ZNF618: variants seen among roughly 807,000 people sequenced by gnomAD.
ZNF618 encodes zinc finger protein 618.
ZNF618 carries 34 observed loss-of-function variants against 103.0 expected under a neutral mutation model. The observed-to-expected ratio is 0.33, with a 90% CI of 0.25 to 0.44. The LOEUF (loss-of-function observed/expected upper bound fraction) is 0.44, where lower values mean the gene tolerates loss of function less well. ZNF618 is among the 20% of genes least tolerant of loss of function. The pLI, the probability that ZNF618 is intolerant of heterozygous loss-of-function variation, is 1.00. For missense variants in ZNF618, 1,059 were observed against 1,295.4 expected (o/e 0.82, Z 2.80); for synonymous variants, 551 against 542.2 (o/e 1.02, Z -0.23).
At chr9:114,027,352 C>T (rs7039576) in intron 10 of ZNF618, among the ~76,000 whole-genome samples, 40 of 152,226 alleles carry the variant, frequency 2.6e-4, no homozygotes, top group African/African-American at 7.2e-4. Context: ...GGGGCTGGGG[C>T]GGACAGATGA....
At position 114,044,080 on chromosome 9, in the gene ZNF618, T is replaced by C. The variant is rs1008785638; in HGVS notation, c.1247-3813T>C. On this transcript the variant is annotated intron_variant, in intron 13 of 14. Coordinates refer to ENST00000374126, the MANE Select transcript of ZNF618 (RefSeq NM_001318042.2). ...GTCCCATCTATCTCTTTGTTTTTGG[T>C]GCATTTGCTTTGGTGTTCTTGGTCA... 2.3e-4 allele frequency among the ~76,000 whole-genome samples: 35 copies of C among 152,202 alleles called. 1 individual carries two copies. The highest frequency in any genetic ancestry group is 5.9e-5 in the Non-Finnish European group (4 of 68,020).
chr9:114,033,389 AAGAGAGAGAGAG>A (rs10624141), intron 12 of ZNF618, among the ~76,000 whole-genome samples: 148 of 147,176 alleles, frequency 1.0e-3, no homozygotes, highest in African/African-American at 3.4e-3. Context: ...CTGTCTCAAA[AAGAGAGAGAGAG>A]AGAGAGAGAG....
intron 14 of ZNF618, 149 bp downstream of exon 14, chr9:114,048,143 T>TAA (rs1845820727): frequency 1.4e-6 from 1 of 714,152 alleles, no homozygotes. Flanking sequence ...TAAGACCTTA[T>TAA]TTGCAGGAGT....
intron 1 of ZNF618, among the ~76,000 whole-genome samples, chr9:113,954,155 G>A (rs1024409684): frequency 2.0e-5 from 3 of 152,102 alleles, no homozygotes; most frequent in Non-Finnish European, 2.9e-5. Context: ...GATGTCCTGC[G>A]TGCCTCTGGA....
intron 1 of ZNF618, among the ~76,000 whole-genome samples, chr9:113,950,236 C>T (rs1835431828): frequency 6.6e-6 from 1 of 152,078 alleles, no homozygotes; most frequent in South Asian, 2.1e-4. Flanking sequence ...TTGCCCAATG[C>T]CATAAGGACC....
intron 3 of ZNF618, among the ~76,000 whole-genome samples, chr9:113,996,767 A>T (rs1840638691): frequency 6.6e-6 from 1 of 152,166 alleles, no homozygotes; most frequent in African/African-American, 2.4e-5. Flanking sequence ...CACTCTGGGG[A>T]GTCCTGTGGC....
chr9:113,968,665 G>A (rs956309127), intron 1 of ZNF618, among the ~76,000 whole-genome samples: 1 of 152,088 alleles, frequency 6.6e-6, no homozygotes, highest in Non-Finnish European at 1.5e-5. Context: ...ATTAAGAACT[G>A]GCACTCTCTT....
chr9:113,951,577 A>ATGTG (rs33967417), intron 1 of ZNF618, among the ~76,000 whole-genome samples: 3 of 49,148 alleles, frequency 6.1e-5, no homozygotes, highest in African/African-American at 1.3e-4. Flanking sequence ...GTGTGTGTAT[A>ATGTG]TGTGTGTGTG....
chr9:113,956,257 A>G (rs1836286548), intron 1 of ZNF618, among the ~76,000 whole-genome samples: 1 of 145,738 alleles, frequency 6.9e-6, no homozygotes, highest in Non-Finnish European at 1.5e-5. Flanking sequence ...ATTGGACTAG[A>G]TTAGAGGGGG....
At chr9:114,006,820 G>A (rs956632606) in intron 6 of ZNF618, among the ~76,000 whole-genome samples, 1 of 152,076 alleles carries the variant, frequency 6.6e-6, no homozygotes, top group African/African-American at 2.4e-5. Context: ...ACCCTGCTAG[G>A]GTTCTGTCCT....
At chr9:113,902,335 T>C (rs947906284) in intron 1 of ZNF618, among the ~76,000 whole-genome samples, 1 of 152,226 alleles carries the variant, frequency 6.6e-6, no homozygotes, top group Non-Finnish European at 1.5e-5. Flanking sequence ...ACTCAGATGC[T>C]ACCTGTTTTC....
At chr9:113,923,304 A>G (rs1004094190) in intron 1 of ZNF618, among the ~76,000 whole-genome samples, 11 of 152,086 alleles carry the variant, frequency 7.2e-5, no homozygotes, top group African/African-American at 2.7e-4. Context: ...GTCTTACTGC[A>G]TTAGCTACGA....
At chr9:113,956,226 AAAAAAAAAAAAAAG>A (rs1300854059) in intron 1 of ZNF618, among the ~76,000 whole-genome samples, 15 of 150,754 alleles carry the variant, frequency 9.9e-5, no homozygotes, top group Admixed American at 9.9e-4. Context: ...AAAAAAAAAA[AAAAAAAAAAAAAAG>A]AAGAGCATTG....
intron 1 of ZNF618, among the ~76,000 whole-genome samples, chr9:113,890,442 T>C (rs1829516422): frequency 6.6e-6 from 1 of 152,214 alleles, no homozygotes; most frequent in Non-Finnish European, 1.5e-5. Context: ...CATCAGCAAA[T>C]GTAGATAGGT....
chr9:114,008,204 A>G, intron 7 of ZNF618, 140 bp from the exon 8 acceptor site: 1 of 1,169,970 alleles, frequency 8.5e-7, no homozygotes, highest in South Asian at 1.6e-5. Flanking sequence ...CACAGTGGCC[A>G]CGGCAGCCCT....
intron 1 of ZNF618, among the ~76,000 whole-genome samples, chr9:113,900,318 T>C (rs1307910059): frequency 6.6e-6 from 1 of 152,144 alleles, no homozygotes; most frequent in Non-Finnish European, 1.5e-5. Flanking sequence ...CACCTCGGCC[T>C]CCCAAAGTGC....
At chr9:114,043,493 A>G (rs1158677763) in intron 13 of ZNF618, among the ~76,000 whole-genome samples, 1 of 152,246 alleles carries the variant, frequency 6.6e-6, no homozygotes, top group African/African-American at 2.4e-5. Flanking sequence ...AATGTTGAGC[A>G]TCTGTTCATG....
intron 1 of ZNF618, among the ~76,000 whole-genome samples, chr9:113,908,698 C>T (rs535129875): frequency 2.6e-5 from 4 of 152,068 alleles, no homozygotes; most frequent in Admixed American, 6.5e-5. Context: ...GTTTGAAGAC[C>T]GCTGTGCAGA....
Position 114,049,617 on chromosome 9 carries a change from C to A in ZNF618, c.2315C>A (p.Thr772Lys). ...PTYVRLEKLF[T>K]AKANDAGTVS... is the part of the protein sequence containing the mutation. The stretch of plus-strand genomic sequence containing the variant: ...TACGTCAGGCTGGAGAAGCTGTTCA[C>A]GGCCAAGGCCAACGACGCAGGCACT... The change falls in exon 15 of 15, where the codon ACG becomes AAG. Residue 772 changes from threonine to lysine, a missense_variant. Coordinates refer to ENST00000374126, the MANE Select transcript of ZNF618 (RefSeq NM_001318042.2). 1 of 1,613,856 alleles carries A rather than the reference C, an allele frequency of 6.2e-7. No homozygotes were observed. The highest frequency in any genetic ancestry group is 8.5e-7 in the Non-Finnish European group (1 of 1,179,910).
Sources: allele counts gnomAD v4.1 joint callset (sites outside exome capture counted in the v4.1 genomes callset), GRCh38; gene constraint gnomAD v4.1.1; transcripts MANE v1.5; gene names NCBI Gene and HGNC (gene_info 2026-07-23, HGNC 2026-07-21).